The following ZNF451 variants were observed in gnomAD, a reference collection of about 807,000 sequenced individuals.
ZNF451 encodes zinc finger protein 451, also known as E3 SUMO-protein ligase ZNF451.
In ZNF451, 80 loss-of-function variants were observed where a neutral mutation model predicts 107.1. The observed-to-expected ratio is 0.75, with a 90% CI of 0.62 to 0.90. The LOEUF (loss-of-function observed/expected upper bound fraction) is 0.90. Ranked by LOEUF, ZNF451 falls within the 40% of genes least tolerant of loss-of-function variation. ZNF451 has a pLI of 0.00. For missense variants in ZNF451, 1,107 were observed against 1,236.2 expected (o/e 0.90, Z 1.57); for synonymous variants, 362 against 406.5 (o/e 0.89, Z 1.32).
At chr6:57,157,322 G>C (rs949810957) in intron 13 of ZNF451, among the ~76,000 whole-genome samples, 2 of 152,086 alleles carry the variant, frequency 1.3e-5, no homozygotes, top group Non-Finnish European at 2.9e-5. Context: ...ATTAGTCTTT[G>C]CTAATTTCTC....
intron 13 of ZNF451, among the ~76,000 whole-genome samples, chr6:57,155,818 C>CTTTTTTTTTT (rs528621372): frequency 9.3e-6 from 1 of 107,296 alleles, no homozygotes; most frequent in Non-Finnish European, 2.0e-5. Context: ...TCTAGGTATT[C>CTTTTTTTTTT]TTTTTTTTTT....
chr6:57,124,564 G>A (rs905667605), intron 3 of ZNF451, 170 bp from the exon 4 acceptor site: 2 of 700,970 alleles, frequency 2.9e-6, no homozygotes. Context: ...AAAGATGCTG[G>A]TGGATAATTG....
At chr6:57,161,179 C>G in intron 14 of ZNF451, 27 bp downstream of exon 14, 1 of 1,311,328 alleles carries the variant, frequency 7.6e-7, no homozygotes, top group South Asian at 1.8e-5. Context: ...AATCTCTTTT[C>G]TACTTGACTG....
intron 3 of ZNF451, chr6:57,105,842 T>C: frequency 5.1e-6 from 5 of 985,200 alleles, no homozygotes; most frequent in Non-Finnish European, 6.0e-6. Flanking sequence ...TTTATCTTTT[T>C]TTAAAAGAAT....
intron 11 of ZNF451, 119 bp downstream of exon 11, chr6:57,150,981 T>C: frequency 8.3e-7 from 1 of 1,201,664 alleles, no homozygotes; most frequent in Non-Finnish European, 1.2e-6. Context: ...TGGAATATTG[T>C]TCTTTTGTAT....
At chr6:57,111,371 G>GTTTTTT (rs372422404) in intron 3 of ZNF451, among the ~76,000 whole-genome samples, 4 of 133,310 alleles carry the variant, frequency 3.0e-5, no homozygotes, top group African/African-American at 5.5e-5. Flanking sequence ...GGGTTTTTTT[G>GTTTTTT]TTTTTTTTTT....
At position 57,141,958 on chromosome 6, in the gene ZNF451, A is replaced by C; in HGVS notation, c.867A>C (p.Gly289=). The change falls in exon 9 of 15, where the codon GGA becomes GGC. Residue 289 remains glycine (G), a synonymous_variant. Transcript: ENST00000370706. Reference sequence around the variant, plus strand: ...TATTTTGTCTTTCAGATAACAAAGGAATTGCACATCCAATATCTTTCCCAT... The same window carrying C: ...TATTTTGTCTTTCAGATAACAAAGGCATTGCACATCCAATATCTTTCCCAT... The part of the protein sequence containing the change: ...HQSFKLGDNK[G]IAHPISFPSF... 1 of 1,613,472 alleles carries C rather than the reference A, an allele frequency of 6.2e-7. No homozygotes were observed. Among genetic ancestry groups the C allele is most frequent in the Non-Finnish European group, 8.5e-7 (1 of 1,179,548 alleles).
chr6:57,138,719 A>ATG, intron 7 of ZNF451, among the ~76,000 whole-genome samples: 2 of 110,996 alleles, frequency 1.8e-5, no homozygotes, highest in Non-Finnish European at 3.8e-5. Context: ...ATATATATAT[A>ATG]TATATATATA....
chr6:57,119,155 T>C (rs1830512548), intron 3 of ZNF451, among the ~76,000 whole-genome samples: 1 of 152,194 alleles, frequency 6.6e-6, no homozygotes, highest in African/African-American at 2.4e-5. Context: ...CCACTTTAGA[T>C]AAAAATTGGG....
intron 7 of ZNF451, among the ~76,000 whole-genome samples, 195 bp from the exon 8 acceptor site, chr6:57,141,107 A>C (rs1456203849): frequency 5.9e-5 from 9 of 152,226 alleles, no homozygotes; most frequent in Non-Finnish European, 1.2e-4. Context: ...AGGAAAAAAA[A>C]CTAAAAATTT....
chr6:57,114,484 T>A (rs1830269518), intron 3 of ZNF451, among the ~76,000 whole-genome samples: 1 of 152,322 alleles, frequency 6.6e-6, no homozygotes, highest in South Asian at 2.1e-4. Context: ...ATTTTCCCAA[T>A]AGCCATTAAG....
rs548052827 is a variant in ZNF451, at chr6:57,111,820, C to CT, written c.186+12685dup. Among the ~76,000 whole-genome samples the CT allele has an allele frequency of 4.5e-4, 68 of 152,224 alleles. No individual in the cohort carries two copies. The East Asian group carries it at 0.012, about 27-fold the overall frequency. On this transcript the variant is annotated intron_variant, in intron 3 of 14. Coordinates refer to ENST00000370706, the MANE Select transcript of ZNF451 (RefSeq NM_001031623.3). ...TACTCAAAAGAGAATATAGGAAAATCTTTTTTAACAGGTTTGGTGGGACTA... is the reference window on the plus strand; with the variant it reads ...TACTCAAAAGAGAATATAGGAAAATCTTTTTTTAACAGGTTTGGTGGGACTA...
chr6:57,095,712 A>C lies in ZNF451; in HGVS notation c.106-3349A>C, dbSNP rs978868450. Among the ~76,000 whole-genome samples, 7 of 152,230 alleles carry C rather than the reference A, an allele frequency of 4.6e-5. No individual in the cohort carries two copies. In the East Asian group the frequency reaches 1.4e-3, roughly 29 times the overall value. On this transcript the variant is annotated intron_variant, in intron 2 of 14. Transcript: ENST00000370706. ...AAATTATTGTTCTTCAGTAGTTGAA[A>C]AATGTTTGCATATTGGTTTAATGGT...
At chr6:57,099,696 G>A in intron 3 of ZNF451, 1 of 540,216 alleles carries the variant, frequency 1.9e-6, no homozygotes, top group Non-Finnish European at 3.3e-6. Context: ...TTGACCCTTG[G>A]ACCAATACTT....
intron 5 of ZNF451, among the ~76,000 whole-genome samples, chr6:57,130,933 A>G (rs1386915176): frequency 1.3e-5 from 2 of 151,980 alleles, no homozygotes; most frequent in Non-Finnish European, 2.9e-5. Context: ...TAAAGTTTGG[A>G]ATCTATTGCT....
chr6:57,091,625 T>A (rs1829050311), intron 2 of ZNF451, among the ~76,000 whole-genome samples: 2 of 152,178 alleles, frequency 1.3e-5, no homozygotes, highest in African/African-American at 4.8e-5. Context: ...TATGATGTAT[T>A]TTGGGGTGAT....
intron 2 of ZNF451, among the ~76,000 whole-genome samples, chr6:57,094,901 C>T (rs1829215118): frequency 6.6e-6 from 1 of 152,212 alleles, no homozygotes; most frequent in Non-Finnish European, 1.5e-5. Context: ...TCAGTTTTCC[C>T]ATCTGTTAAA....
At chr6:57,104,345 C>A (rs1423177220) in intron 3 of ZNF451, 1 of 985,188 alleles carries the variant, frequency 1.0e-6, no homozygotes, top group East Asian at 1.1e-4. Context: ...TGGTGAGAGA[C>A]CTTGGAAATG....
chr6:57,126,439 A>G (rs1251257542), intron 4 of ZNF451: 1 of 152,170 alleles, frequency 6.6e-6, no homozygotes, highest in Non-Finnish European at 1.5e-5. Context: ...GAAGATATTG[A>G]AACTGAAATA....
Sources: allele counts gnomAD v4.1 joint callset (sites outside exome capture counted in the v4.1 genomes callset), GRCh38; gene constraint gnomAD v4.1.1; transcripts MANE v1.5; gene names NCBI Gene and HGNC (gene_info 2026-07-23, HGNC 2026-07-21).